Variants in SEMA5B observed in about 807,000 individuals in gnomAD.
SEMA5B encodes semaphorin-5B.
Under a neutral mutation model 135.0 loss-of-function variants are expected in SEMA5B, and 66 were observed. That is an observed-to-expected ratio of 0.49 (90% CI 0.40 to 0.60). The LOEUF is 0.60. Among genes scored for constraint, SEMA5B ranks in the 20% least tolerant of loss-of-function variants. The pLI, the probability that SEMA5B is intolerant of heterozygous loss-of-function variation, is 0.00. For missense variants in SEMA5B, 1,501 were observed against 1,566.3 expected (o/e 0.96, Z 0.70); for synonymous variants, 690 against 639.5 (o/e 1.08, Z -1.19).
rs775906486 is a variant in SEMA5B at position 122,976,974 on chromosome 3, G to A, written c.-38-15673C>T. Among the ~76,000 whole-genome samples, 171 of 152,164 alleles carry A rather than the reference G, an allele frequency of 1.1e-3. 2 individuals carry two copies. Among genetic ancestry groups the A allele is most frequent in the Non-Finnish European group, 1.7e-3 (114 of 68,024 alleles). On this transcript the variant is annotated intron_variant, in intron 1 of 22. Coordinates refer to ENST00000357599, the MANE Select transcript of SEMA5B (RefSeq NM_001031702.4). ...CTGAAGCACAAGAATCACTTGAACC[G>A]GGGAGGTGGAGATTGCAGTGAGCCA...
chr3:122,917,204 C>A (rs80185608), intron 12 of SEMA5B, among the ~76,000 whole-genome samples: 7,624 of 152,316 alleles, frequency 0.05, 250 homozygotes, highest in Middle Eastern at 0.11. Context: ...AGCTTCCACC[C>A]CCTTCTGAGC....
At chr3:122,991,856 T>G (rs1163126035) in intron 1 of SEMA5B, among the ~76,000 whole-genome samples, 1 of 152,090 alleles carries the variant, frequency 6.6e-6, no homozygotes, top group Admixed American at 6.5e-5. Context: ...TAGGGAGATA[T>G]AAGCAAAGAC....
intron 2 of SEMA5B, among the ~76,000 whole-genome samples, chr3:122,959,105 C>A (rs543327781): frequency 6.6e-6 from 1 of 152,138 alleles, no homozygotes; most frequent in Admixed American, 6.5e-5. Flanking sequence ...AGGGAGCTCG[C>A]GGCAGAGACT....
At chr3:122,980,538 A>G (rs998224610) in intron 1 of SEMA5B, among the ~76,000 whole-genome samples, 15 of 151,664 alleles carry the variant, frequency 9.9e-5, no homozygotes, top group African/African-American at 3.6e-4. Context: ...ACTGATGGTC[A>G]GCTTCCCTGG....
chr3:122,929,827 G>A (rs1260921023), intron 5 of SEMA5B, among the ~76,000 whole-genome samples: 2 of 152,160 alleles, frequency 1.3e-5, no homozygotes, highest in Non-Finnish European at 2.9e-5. Context: ...ACAGTGCCAT[G>A]TTCTCACATG....
chr3:122,910,392 G>T (rs1360361406), intron 22 of SEMA5B, 91 bp from the exon 23 acceptor site: 23 of 1,352,720 alleles, frequency 1.7e-5, no homozygotes, highest in Non-Finnish European at 2.4e-5. Context: ...AGCCAGCCGT[G>T]CAAGAACACT....
chr3:122,978,374 G>A (rs1021794909), intron 1 of SEMA5B, among the ~76,000 whole-genome samples: 1 of 152,240 alleles, frequency 6.6e-6, no homozygotes, highest in Non-Finnish European at 1.5e-5. Context: ...CAGGCAGGCT[G>A]GGGAGGCGGG....
At chr3:122,940,412 G>T (rs1446300550) in intron 4 of SEMA5B, among the ~76,000 whole-genome samples, 2 of 152,224 alleles carry the variant, frequency 1.3e-5, no homozygotes, top group Admixed American at 1.3e-4. Context: ...TGGAGACAGA[G>T]GAATGGTGTG....
At chr3:122,956,704 C>T (rs911944531) in intron 2 of SEMA5B, among the ~76,000 whole-genome samples, 2 of 151,712 alleles carry the variant, frequency 1.3e-5, no homozygotes, top group Non-Finnish European at 2.9e-5. Flanking sequence ...CCCAGACCAC[C>T]CCGGGGTGGG....
rs373847721 is a variant in SEMA5B, at chr3:122,971,271, C to G, written c.-38-9970G>C. ...TTGCTCAGTGCTATATCCCTAGCTG[C>G]TAACCCAGCACCAGTCACATAAGAG... On this transcript the variant is annotated intron_variant, in intron 1 of 22. Transcript: ENST00000357599. Among the ~76,000 whole-genome samples, 8 of 152,368 alleles carry G rather than the reference C, an allele frequency of 5.3e-5. No homozygotes were observed. In the East Asian group the frequency reaches 7.7e-4, roughly 15 times the overall value.
intron 8 of SEMA5B, among the ~76,000 whole-genome samples, chr3:122,927,187 CCT>C (rs2107653368): frequency 6.6e-6 from 1 of 152,218 alleles, no homozygotes; most frequent in South Asian, 2.1e-4. Context: ...CCATACCCTC[CCT>C]CTCTTTCTTT....
In SEMA5B at chr3:122,922,361, C is replaced by T. The variant is rs752270000; in HGVS notation, c.1359G>A (p.Glu453=). The T allele has an allele frequency of 4.3e-6, 7 of 1,613,218 alleles. No homozygotes were observed. The highest frequency in any genetic ancestry group is 1.6e-4 in the Middle Eastern group (1 of 6,082). ...GCTCGGGTGTCACCGGCTGCACGGC[C>T]TCGCTCATCAGGAAGAGGCGCTGCG... ...QDAQRLFLMS[E]AVQPVTPEPC... The change falls in exon 11 of 23, where the codon GAG becomes GAA. Residue 453 remains glutamate (E), a synonymous_variant. Transcript: ENST00000357599.
intron 1 of SEMA5B, among the ~76,000 whole-genome samples, chr3:123,022,905 A>G (rs972630418): frequency 6.6e-6 from 1 of 152,242 alleles, no homozygotes; most frequent in Admixed American, 6.5e-5. Context: ...ATTTTCTAGC[A>G]TTCAAGCTGG....
chr3:123,003,251 C>T (rs1044797236), intron 1 of SEMA5B, among the ~76,000 whole-genome samples: 3 of 152,090 alleles, frequency 2.0e-5, no homozygotes, highest in African/African-American at 4.8e-5. Context: ...TTGGAGAAAC[C>T]GAAACACAGT....
intron 3 of SEMA5B, among the ~76,000 whole-genome samples, chr3:122,947,251 A>AT (rs1939828844): frequency 6.6e-6 from 1 of 152,138 alleles, no homozygotes; most frequent in African/African-American, 2.4e-5. Context: ...GGCTTAGGAC[A>AT]TTGTTAATTT....
Position 122,926,439 on chromosome 3 carries a change from G to A in SEMA5B, c.1089C>T (p.Phe363=), listed in dbSNP as rs1448491608. 4 of 1,614,078 alleles carry A rather than the reference G, an allele frequency of 2.5e-6. No homozygotes were observed. The African/African-American group carries it at 5.3e-5, about 22-fold the overall frequency. The part of the protein sequence containing the change: ...PFYYNELQSA[F]HLPEQDLIYG... ...AGATGAGGTCCTGCTCCGGCAAGTG[G>A]AAGGCACTCTGCAGCTCGTTATAGT... is the stretch of plus-strand genomic sequence containing the variant. The change falls in exon 9 of 23, where the codon TTC becomes TTT. Residue 363 remains phenylalanine, a synonymous_variant. Coordinates refer to ENST00000357599, the MANE Select transcript of SEMA5B (RefSeq NM_001031702.4).
At chr3:122,918,615 C>T (rs1439937224) in intron 12 of SEMA5B, among the ~76,000 whole-genome samples, 2 of 152,226 alleles carry the variant, frequency 1.3e-5, no homozygotes, top group Admixed American at 1.3e-4. Context: ...TCTCCTTTCT[C>T]CAAGCCCTCT....
At chr3:122,912,109 C>A in intron 19 of SEMA5B, 40 bp from the exon 20 acceptor site, 2 of 1,593,988 alleles carry the variant, frequency 1.3e-6, no homozygotes, top group South Asian at 2.2e-5. Flanking sequence ...TGCCCAGGGA[C>A]CCCCTGGTGG....
chr3:122,933,668 A>G (rs1939093472), intron 5 of SEMA5B, among the ~76,000 whole-genome samples: 1 of 151,992 alleles, frequency 6.6e-6, no homozygotes, highest in Non-Finnish European at 1.5e-5. Flanking sequence ...TGGAACTCTT[A>G]ATATTCCAAT....
Sources: allele counts gnomAD v4.1 joint callset (sites outside exome capture counted in the v4.1 genomes callset), GRCh38; gene constraint gnomAD v4.1.1; transcripts MANE v1.5; gene names NCBI Gene and HGNC (gene_info 2026-07-23, HGNC 2026-07-21).